GPM6A: variants seen among roughly 807,000 people sequenced by gnomAD.
GPM6A encodes the protein neuronal membrane glycoprotein M6-a.
In GPM6A, 7 loss-of-function variants were observed where a neutral mutation model predicts 32.1. The observed-to-expected ratio is 0.22, with a 90% confidence interval of 0.12 to 0.41. The LOEUF (loss-of-function observed/expected upper bound fraction) is 0.41. GPM6A is among the 10% of genes least tolerant of loss of function. The pLI is 1.00. For synonymous variants in GPM6A, 130 were observed against 123.4 expected (o/e 1.05, Z -0.35); for missense variants, 235 against 347.2 (o/e 0.68, Z 2.57).
chr4:175,901,647 T>C (rs1196651247), intron 1 of GPM6A, among the ~76,000 whole-genome samples: 1 of 148,070 alleles, frequency 6.8e-6, no homozygotes, highest in Non-Finnish European at 1.5e-5. Flanking sequence ...TTTTCCTTTT[T>C]TTTTTTTTTG....
chr4:175,676,117 C>T (rs188483683), intron 2 of GPM6A, among the ~76,000 whole-genome samples: 8 of 152,176 alleles, frequency 5.3e-5, no homozygotes, highest in African/African-American at 1.7e-4. Flanking sequence ...TCTCTCTTGC[C>T]GCTATGTGAA....
intron 1 of GPM6A, among the ~76,000 whole-genome samples, chr4:175,863,045 G>A (rs920398282): frequency 7.9e-5 from 12 of 151,666 alleles, no homozygotes; most frequent in African/African-American, 2.9e-4. Context: ...ACTGATTCTG[G>A]TGATTGTATT....
upstream of GPM6A, among the ~76,000 whole-genome samples, chr4:175,815,091 A>G (rs1735056877): frequency 6.6e-6 from 1 of 152,094 alleles, no homozygotes; most frequent in African/African-American, 2.4e-5. Context: ...GCTCACTGCA[A>G]CTTCTGCCTC....
At chr4:175,975,686 G>A (rs1260790727) in intron 1 of GPM6A, among the ~76,000 whole-genome samples, 2 of 152,064 alleles carry the variant, frequency 1.3e-5, no homozygotes, top group African/African-American at 4.8e-5. Flanking sequence ...TTATTGCACT[G>A]ATTTAGTATT....
chr4:175,679,114 C>T (rs1368280339), intron 2 of GPM6A, among the ~76,000 whole-genome samples: 2 of 152,068 alleles, frequency 1.3e-5, no homozygotes, highest in Non-Finnish European at 2.9e-5. Flanking sequence ...ATACCGGAGC[C>T]AATCTAGGGG....
intron 1 of GPM6A, among the ~76,000 whole-genome samples, chr4:175,842,525 C>G (rs1255729158): frequency 1.3e-5 from 2 of 151,982 alleles, no homozygotes; most frequent in Non-Finnish European, 2.9e-5. Context: ...GAGTTTGAGA[C>G]CAGCCTGGGC....
At chr4:175,992,549 C>A (rs1310482599) in intron 1 of GPM6A, among the ~76,000 whole-genome samples, 1 of 152,124 alleles carries the variant, frequency 6.6e-6, no homozygotes, top group East Asian at 1.9e-4. Flanking sequence ...GCATCTAGAG[C>A]TGAGTGAAAT....
At chr4:175,696,876 G>C (rs1158823347) in intron 2 of GPM6A, among the ~76,000 whole-genome samples, 1 of 152,050 alleles carries the variant, frequency 6.6e-6, no homozygotes, top group African/African-American at 2.4e-5. Context: ...AGCAAACTTA[G>C]AGATATAAAC....
intron 1 of GPM6A, among the ~76,000 whole-genome samples, chr4:175,984,308 G>A (rs919415572): frequency 6.6e-6 from 1 of 152,006 alleles, no homozygotes; most frequent in Admixed American, 6.6e-5. Context: ...GACTACAGGT[G>A]CGTTCCACCA....
In GPM6A at chr4:175,837,884, T is replaced by C. The variant is rs575656493; in HGVS notation, c.-22-25635A>G. On this transcript the variant is annotated intron_variant, in intron 1 of 7. Coordinates refer to the GPM6A transcript ENST00000280187. Reference sequence around the variant, plus strand: ...TACATTTTTAGCTTAAGAACTTTGTTAAGTACAAAATTATGCAAGAATAAA... The same window carrying C: ...TACATTTTTAGCTTAAGAACTTTGTCAAGTACAAAATTATGCAAGAATAAA... Among the ~76,000 whole-genome samples, 17 of 152,262 alleles carry C rather than the reference T, an allele frequency of 1.1e-4. No individual in the cohort carries two copies. In the South Asian group the frequency reaches 3.5e-3, roughly 32 times the overall value.
intron 1 of GPM6A, among the ~76,000 whole-genome samples, chr4:175,782,878 A>G (rs1266141334): frequency 6.6e-6 from 1 of 152,184 alleles, no homozygotes; most frequent in Admixed American, 6.5e-5. Flanking sequence ...ATTTTAAAAT[A>G]AATATTTAAG....
intron 1 of GPM6A, among the ~76,000 whole-genome samples, chr4:175,915,812 T>G (rs80264686): frequency 2.0e-3 from 305 of 152,348 alleles, no homozygotes; most frequent in African/African-American, 6.6e-3. Context: ...TCTTTTTGTG[T>G]TGTCCTTGGT....
At chr4:175,771,372 G>C (rs1733181453) in intron 1 of GPM6A, among the ~76,000 whole-genome samples, 1 of 151,974 alleles carries the variant, frequency 6.6e-6, no homozygotes, top group African/African-American at 2.4e-5. Context: ...AAGAGATTGA[G>C]ACCTTCCTGG....
At chr4:175,867,295 G>A (rs755607891) in intron 1 of GPM6A, among the ~76,000 whole-genome samples, 14 of 151,832 alleles carry the variant, frequency 9.2e-5, no homozygotes, top group Non-Finnish European at 1.5e-4. Context: ...CATAAATTGC[G>A]CCTTCAATGT....
chr4:175,850,839 A>C (rs1317994820), intron 1 of GPM6A, among the ~76,000 whole-genome samples: 1 of 150,218 alleles, frequency 6.7e-6, no homozygotes, highest in East Asian at 1.9e-4. Flanking sequence ...TATTATATAA[A>C]TACAATATTA....
chr4:175,673,006 A>G (rs938432230), intron 3 of GPM6A, among the ~76,000 whole-genome samples: 1 of 152,192 alleles, frequency 6.6e-6, no homozygotes, highest in African/African-American at 2.4e-5. Flanking sequence ...ACATGTTGTT[A>G]CATAACATTA....
At chr4:175,829,150 G>A (rs6845285) in intron 1 of GPM6A, among the ~76,000 whole-genome samples, 147,195 of 152,286 alleles carry the variant, frequency 0.97, 71,335 homozygotes, top group East Asian at 1. Flanking sequence ...GGCTGGTCTC[G>A]AAATCCTGAG....
Position 175,828,367 on chromosome 4 carries a change from G to A in GPM6A, c.-22-16118C>T, listed in dbSNP as rs1421010791. On this transcript the variant is annotated intron_variant, in intron 1 of 7. Transcript: ENST00000280187. Reference sequence around the variant, plus strand: ...TTAGCAGGGGGCATATTTTGAATTTGTTATGTGCTTGAACTTTGGATGGTT... The same window carrying A: ...TTAGCAGGGGGCATATTTTGAATTTATTATGTGCTTGAACTTTGGATGGTT... 5.3e-5 allele frequency among the ~76,000 whole-genome samples: 8 copies of A among 152,252 alleles called. 1 individual carries two copies. Among genetic ancestry groups the A allele is most frequent in the Non-Finnish European group, 8.8e-5 (6 of 68,004 alleles).
rs150173022 is a variant in GPM6A, at chr4:175,684,583, C to G, written c.231-10747G>C. Among the ~76,000 whole-genome samples, 95 of 152,110 alleles carry G rather than the reference C, an allele frequency of 6.2e-4. No individual in the cohort carries two copies. The East Asian group carries it at 0.017, about 28-fold the overall frequency. On this transcript the variant is annotated intron_variant, in intron 2 of 6. Transcript: ENST00000393658. Reference sequence around the variant, plus strand: ...TCTAAAAGATAAAATCTAACTTTATCTTTTTTTCAAAATGGCTGTCCAGTT... The same window carrying G: ...TCTAAAAGATAAAATCTAACTTTATGTTTTTTTCAAAATGGCTGTCCAGTT...
Sources: gnomAD v4.1 joint callset for allele counts (sites outside exome capture counted in the v4.1 genomes callset) on GRCh38, gnomAD v4.1.1 for gene constraint, MANE v1.5 for transcripts, NCBI Gene and HGNC (gene_info 2026-07-23, HGNC 2026-07-21) for gene names.